The following MYO7B variants were observed in gnomAD, a reference collection of about 807,000 sequenced individuals.
MYO7B encodes unconventional myosin-VIIb.
Under a neutral mutation model 259.7 loss-of-function variants are expected in MYO7B, and 212 were observed. The observed-to-expected ratio is 0.82, with a 90% CI of 0.73 to 0.91. The LOEUF (loss-of-function observed/expected upper bound fraction) is 0.91, where lower values mean the gene tolerates loss of function less well. Ranked by LOEUF, MYO7B falls within the 40% of genes least tolerant of loss-of-function variation. The pLI, the probability that MYO7B is intolerant of heterozygous loss-of-function variation, is 0.00. For synonymous variants in MYO7B, 1,197 were observed against 1,166.4 expected (o/e 1.03, Z -0.54); for missense variants, 2,732 against 2,813.5 (o/e 0.97, Z 0.66).
intron 2 of MYO7B, among the ~76,000 whole-genome samples, chr2:127,562,890 T>G (rs1442100972): frequency 2.0e-5 from 3 of 152,226 alleles, no homozygotes; most frequent in African/African-American, 7.2e-5. Flanking sequence ...ATTACAGGTG[T>G]GAACCACCAC....
intron 19 of MYO7B, among the ~76,000 whole-genome samples, chr2:127,605,261 G>A (rs986938076): frequency 6.6e-6 from 1 of 152,152 alleles, no homozygotes; most frequent in African/African-American, 2.4e-5. Flanking sequence ...TAGCTCTTTG[G>A]GGGTAGAGGG....
At position 127,586,862 on chromosome 2, in the gene MYO7B, C is replaced by T. The variant is rs1440496195; in HGVS notation, c.1691-1530C>T. On this transcript the variant is annotated intron_variant, in intron 14 of 47. Coordinates refer to ENST00000409816, the MANE Select transcript of MYO7B (RefSeq NM_001393586.1). This position sits in a 1 kb window ranked among gnomAD's most constrained non-coding sequence, Gnocchi z 4.8. ...GTCTCAACCCTCCCCACCCTTAAAACATCCAGGGAGCTCCCTGCCCCTGGT... is the reference window on the plus strand; with the variant it reads ...GTCTCAACCCTCCCCACCCTTAAAATATCCAGGGAGCTCCCTGCCCCTGGT... 6.6e-6 allele frequency among the ~76,000 whole-genome samples: 1 copy of T among 152,104 alleles called. No individual in the cohort carries two copies. Among genetic ancestry groups the T allele is most frequent in the Non-Finnish European group, 1.5e-5 (1 of 68,002 alleles).
rs185932133 is a variant in MYO7B at position 127,625,328 on chromosome 2, C to G, written c.4048-40C>G. On this transcript the variant is annotated intron_variant, in intron 30 of 47. Transcript: ENST00000409816. The stretch of plus-strand genomic sequence containing the variant: ...ATCCTGGGGAAGGGGGGAGCTCTCA[C>G]TTGTCTCACTCGCCCCCGTGGGTGC... The G allele has an allele frequency of 1.8e-4, 268 of 1,464,116 alleles. No individual in the cohort carries two copies. In the African/African-American group the frequency reaches 3.0e-3, roughly 17 times the overall value. 90.7% of individuals were successfully genotyped at this position (1,464,116 alleles called of 1,614,324 possible).
At chr2:127,591,504 A>G (rs1679555864) in intron 16 of MYO7B, among the ~76,000 whole-genome samples, 1 of 152,202 alleles carries the variant, frequency 6.6e-6, no homozygotes, top group African/African-American at 2.4e-5. Flanking sequence ...CCTCATCTTT[A>G]AGTTGGAGCC....
chr2:127,549,352 A>G (rs1693361245), intron 1 of MYO7B, among the ~76,000 whole-genome samples: 1 of 152,226 alleles, frequency 6.6e-6, no homozygotes. Context: ...ATTAGGGAGT[A>G]CATGTACAGG....
At chr2:127,610,844 G>T (rs757441029) in intron 24 of MYO7B, among the ~76,000 whole-genome samples, 6 of 152,224 alleles carry the variant, frequency 3.9e-5, no homozygotes, top group Non-Finnish European at 7.3e-5. Flanking sequence ...CAGAGAAGTT[G>T]CCCAGGCCCA....
intron 7 of MYO7B, among the ~76,000 whole-genome samples, chr2:127,574,853 A>G (rs1028036671): frequency 1.4e-4 from 21 of 152,230 alleles, no homozygotes; most frequent in African/African-American, 5.1e-4. Context: ...AAGAGGGCCC[A>G]TGGTTTCCTT....
chr2:127,585,656 C>A lies in MYO7B; in HGVS notation c.1690+743C>A, dbSNP rs1679275236. ...TTTAACTGTTTGAGGAACCACCAGA[C>A]TGTTTTCCAAAGCGGCTGTATGATT... On this transcript the variant is annotated intron_variant, in intron 14 of 47. Transcript: ENST00000409816. The surrounding 1 kb of genome is among the most constrained non-coding windows in gnomAD (Gnocchi z 4.3). Among the ~76,000 whole-genome samples the A allele has an allele frequency of 6.6e-6, 1 of 152,204 alleles. No homozygotes were observed. The highest frequency in any genetic ancestry group is 1.5e-5 in the Non-Finnish European group (1 of 68,034).
intron 25 of MYO7B, 31 bp from the exon 26 acceptor site, chr2:127,612,445 G>C: frequency 6.4e-7 from 1 of 1,551,430 alleles, no homozygotes; most frequent in East Asian, 2.4e-5. Context: ...GAGAATCATA[G>C]CTGTCCTGAT....
intron 26 of MYO7B, among the ~76,000 whole-genome samples, chr2:127,616,914 G>T: frequency 6.6e-6 from 1 of 152,318 alleles, no homozygotes; most frequent in African/African-American, 2.4e-5. Flanking sequence ...GTGTTTTTCT[G>T]TTGGGAGGGG....
Position 127,586,038 on chromosome 2 carries a change from C to G in MYO7B, c.1690+1125C>G, listed in dbSNP as rs1048646577. Reference sequence around the variant, plus strand: ...TGTCTTTTCATCTGCTTGACGGTGTCCTTTGAGGCCCAAAAAGCTTTCATT... The same window carrying G: ...TGTCTTTTCATCTGCTTGACGGTGTGCTTTGAGGCCCAAAAAGCTTTCATT... On this transcript the variant is annotated intron_variant, in intron 14 of 47. Coordinates refer to ENST00000409816, the MANE Select transcript of MYO7B (RefSeq NM_001393586.1). The surrounding 1 kb of genome is among the most constrained non-coding windows in gnomAD (Gnocchi z 4.8). 2.6e-5 allele frequency among the ~76,000 whole-genome samples: 4 copies of G among 152,060 alleles called. No individual in the cohort carries two copies. Among genetic ancestry groups the G allele is most frequent in the Admixed American group, 2.6e-4 (4 of 15,270 alleles).
Position 127,627,873 on chromosome 2 carries a change from T to G in MYO7B, c.4461-499T>G, listed in dbSNP as rs1011189462. On this transcript the variant is annotated intron_variant, in intron 33 of 47. Transcript: ENST00000409816. The surrounding 1 kb of genome is among the most constrained non-coding windows in gnomAD (Gnocchi z 5.6). The stretch of plus-strand genomic sequence containing the variant: ...AGCACACAACAGAGTGGCACATGCA[T>G]CTCTGGGCTGTGCCAGGTGTACAGT... 3.5e-5 allele frequency: 16 copies of G among 458,346 alleles called. No individual in the cohort carries two copies. Among genetic ancestry groups the G allele is most frequent in the Admixed American group, 1.2e-4 (5 of 42,622 alleles). 28.4% of individuals were successfully genotyped at this position (458,346 alleles called of 1,614,324 possible).
chr2:127,624,829 G>A (rs1681026640), intron 30 of MYO7B, among the ~76,000 whole-genome samples: 2 of 152,220 alleles, frequency 1.3e-5, no homozygotes, highest in African/African-American at 2.4e-5. Context: ...AGTTCTGGGG[G>A]CAGCAGGCAC....
chr2:127,637,560 G>A lies in MYO7B; in HGVS notation c.*143G>A. The A allele has an allele frequency of 1.6e-6, 1 of 638,274 alleles. No individual in the cohort carries two copies. Among genetic ancestry groups the A allele is most frequent in the Non-Finnish European group, 2.6e-6 (1 of 386,124 alleles). The allele number at this position is 638,274 out of a possible 1,614,324, so 39.5% of individuals were successfully genotyped here. A position where few individuals can be genotyped will look rare whatever the true frequency, so the allele number is the denominator to read the frequency against. ...CATACAAAGCCCACTCAGCCCCGCA[G>A]GCGGCCCCCTCTGTCCTGGGCGCTG... On this transcript the variant is annotated 3_prime_UTR_variant, in exon 48 of 48. Transcript: ENST00000409816.
intron 1 of MYO7B, among the ~76,000 whole-genome samples, chr2:127,553,873 A>G (rs1018589078): frequency 1.3e-5 from 2 of 152,086 alleles, no homozygotes; most frequent in African/African-American, 2.4e-5. Flanking sequence ...TTCCCCAATC[A>G]GTATTATGTT....
Position 127,631,721 on chromosome 2 carries a change from G to A in MYO7B, c.5217G>A (p.Gln1739=), listed in dbSNP as rs1681522481. Residue 1739 remains glutamine (Q), a synonymous_variant, in exon 38 of 48, where the codon CAG becomes CAA. Transcript: ENST00000409816. ...CCCTCCAGGACGAGGTCTACTGCCA[G>A]ATCCTGAAGCAGCTGACGCACAACT... ...HPALQDEVYC[Q]ILKQLTHNSN... The A allele has an allele frequency of 6.2e-7, 1 of 1,612,826 alleles. No homozygotes were observed. The highest frequency in any genetic ancestry group is 1.3e-5 in the African/African-American group (1 of 74,948).
At chr2:127,558,283 A>G (rs1677911379) in intron 1 of MYO7B, among the ~76,000 whole-genome samples, 1 of 152,240 alleles carries the variant, frequency 6.6e-6, no homozygotes, top group African/African-American at 2.4e-5. Context: ...ATAGAAATCA[A>G]AACTGCAATG....
At position 127,636,604 on chromosome 2, in the gene MYO7B, T is replaced by G; in HGVS notation, c.6183T>G (p.Val2061=). The part of the protein sequence containing the change: ...VILIAINRHG[V]LLIHPKTKDL... ...TCATCGCCATCAACCGACATGGGGT[T>G]CTGCTCATCCACCCCAAGACCAAGG... is the stretch of plus-strand genomic sequence containing the variant. The change falls in exon 46 of 48, where the codon GTT becomes GTG. Residue 2061 remains valine (V), a synonymous_variant. Transcript: ENST00000409816. The surrounding 1 kb of genome is among the most constrained non-coding windows in gnomAD (Gnocchi z 4.5). The G allele has an allele frequency of 1.2e-6, 2 of 1,612,790 alleles. No homozygotes were observed. Among genetic ancestry groups the G allele is most frequent in the Non-Finnish European group, 1.7e-6 (2 of 1,179,398 alleles).
At position 127,626,963 on chromosome 2, in the gene MYO7B, A is replaced by T; in HGVS notation, c.4216-12A>T. 3 of 1,586,080 alleles carry T rather than the reference A, an allele frequency of 1.9e-6. No individual in the cohort carries two copies. Among genetic ancestry groups the T allele is most frequent in the Non-Finnish European group, 2.6e-6 (3 of 1,158,438 alleles). The stretch of plus-strand genomic sequence containing the variant: ...GCAGGTGACGGAGGTGACATCCAGG[A>T]TCCCCCCTCAGGCCCCATACACTCA... On this transcript the variant is annotated splice_polypyrimidine_tract_variant and intron_variant, in intron 31 of 47. Coordinates refer to ENST00000409816, the MANE Select transcript of MYO7B (RefSeq NM_001393586.1).
Sources: gnomAD v4.1 joint callset for allele counts (sites outside exome capture counted in the v4.1 genomes callset) on GRCh38, gnomAD v4.1.1 for gene constraint, Gnocchi (gnomAD v3.1) non-coding constraint, MANE v1.5 for transcripts, NCBI Gene and HGNC (gene_info 2026-07-23, HGNC 2026-07-21) for gene names.